The following DNAJC5 variants were observed in gnomAD, a reference collection of about 807,000 sequenced individuals.
DNAJC5 encodes dnaJ homolog subfamily C member 5.
DNAJC5 carries 1 observed loss-of-function variant against 23.2 expected under a neutral mutation model. The ratio of observed to expected loss-of-function variants is 0.04; its 90% CI spans 0.02 to 0.20. The LOEUF (loss-of-function observed/expected upper bound fraction) is 0.20. Ranked by LOEUF, DNAJC5 falls within the 10% of genes least tolerant of loss-of-function variation. DNAJC5 has a pLI of 1.00. For synonymous variants in DNAJC5, 136 were observed against 120.0 expected, an observed-to-expected ratio of 1.13 and a Z score of -0.87; for missense variants, 180 against 267.0, an observed-to-expected ratio of 0.67 and a Z score of 2.27.
intron 1 of DNAJC5, among the ~76,000 whole-genome samples, chr20:63,909,513 A>C (rs2053469075): frequency 6.6e-6 from 1 of 151,802 alleles, no homozygotes; most frequent in Non-Finnish European, 1.5e-5. Flanking sequence ...AAAAACAACA[A>C]CAAGAACAAC....
At chr20:63,912,090 GC>G in intron 1 of DNAJC5, among the ~76,000 whole-genome samples, 1 of 152,094 alleles carries the variant, frequency 6.6e-6, no homozygotes. Flanking sequence ...ATCACTTGAG[GC>G]CGGGAGTTTG....
Position 63,931,711 on chromosome 20 carries a change from C to A in DNAJC5, c.*143C>A. 1 of 784,480 alleles carries A rather than the reference C, an allele frequency of 1.3e-6. No individual in the cohort carries two copies. Among genetic ancestry groups the A allele is most frequent in the Non-Finnish European group, 2.2e-6 (1 of 462,412 alleles). 48.6% of individuals were successfully genotyped at this position (784,480 alleles called of 1,614,324 possible). A position where few individuals can be genotyped will look rare whatever the true frequency, so the allele number is the denominator to read the frequency against. Reference sequence around the variant, plus strand: ...GGCCCCTCCTGCCTCCACGCCCACCCAGCGTCGACCCTTGACCCACGAAGT... The same window carrying A: ...GGCCCCTCCTGCCTCCACGCCCACCAAGCGTCGACCCTTGACCCACGAAGT... On this transcript the variant is annotated 3_prime_UTR_variant, in exon 5 of 5. Transcript: ENST00000360864. The surrounding 1 kb of genome is among the most constrained non-coding windows in gnomAD (Gnocchi z 9.6).
At chr20:63,908,517 G>A (rs144991109) in intron 1 of DNAJC5, among the ~76,000 whole-genome samples, 1 of 152,194 alleles carries the variant, frequency 6.6e-6, no homozygotes, top group Non-Finnish European at 1.5e-5. Flanking sequence ...CCGTTTGATT[G>A]GTCACGGAAT....
chr20:63,917,607 G>A (rs2053523692), intron 1 of DNAJC5, among the ~76,000 whole-genome samples: 1 of 151,694 alleles, frequency 6.6e-6, no homozygotes, highest in Non-Finnish European at 1.5e-5. Context: ...CCAGGCTGGA[G>A]TGCAGTGGCG....
chr20:63,919,755 G>A lies in DNAJC5; in HGVS notation c.-11-8580G>A, dbSNP rs745974588. Reference sequence around the variant, plus strand: ...GCCACGGAAGAGGACGCACCCGGCTGTGTGCACATGTGCCCAGGGCCCGGG... The same window carrying A: ...GCCACGGAAGAGGACGCACCCGGCTATGTGCACATGTGCCCAGGGCCCGGG... On this transcript the variant is annotated intron_variant, in intron 1 of 4. Coordinates refer to ENST00000360864, the MANE Select transcript of DNAJC5 (RefSeq NM_025219.3). 3 of 418,696 alleles carry A rather than the reference G, an allele frequency of 7.2e-6. No individual in the cohort carries two copies. The Admixed American group carries it at 7.4e-5, about 10-fold the overall frequency. The allele number at this position is 418,696 out of a possible 1,614,324, so 25.9% of individuals were successfully genotyped here.
intron 1 of DNAJC5, among the ~76,000 whole-genome samples, chr20:63,917,934 G>A (rs1453655973): frequency 6.6e-6 from 1 of 152,272 alleles, no homozygotes; most frequent in East Asian, 1.9e-4. Context: ...CGCCTCAGTT[G>A]CTTGTTGCTG....
intron 1 of DNAJC5, among the ~76,000 whole-genome samples, chr20:63,912,443 G>C (rs963838358): frequency 6.6e-6 from 1 of 151,842 alleles, no homozygotes; most frequent in Admixed American, 6.6e-5. Flanking sequence ...TTTTGGAATA[G>C]ATAATATCTA....
intron 1 of DNAJC5, among the ~76,000 whole-genome samples, chr20:63,912,972 T>G (rs1422597667): frequency 1.1e-5 from 1 of 91,742 alleles, no homozygotes; most frequent in African/African-American, 6.5e-5. Context: ...ATAAAAGAAA[T>G]GCCAGTTGTA....
At position 63,928,477 on chromosome 20, in the gene DNAJC5, C is replaced by T. The variant is rs774273309; in HGVS notation, c.107+25C>T. On this transcript the variant is annotated intron_variant, in intron 2 of 4. Coordinates refer to ENST00000360864, the MANE Select transcript of DNAJC5 (RefSeq NM_025219.3). This position sits in a 1 kb window ranked among gnomAD's most constrained non-coding sequence, Gnocchi z 4.6. ...GGTAAGTGGACAAGTGTGGCCCCCA[C>T]ATCCCCCCAGGAAGACACACATGCC... 5 of 1,588,340 alleles carry T rather than the reference C, an allele frequency of 3.1e-6. No individual in the cohort carries two copies. The highest frequency in any genetic ancestry group is 3.5e-6 in the Non-Finnish European group (4 of 1,156,710).
chr20:63,898,761 A>G (rs1320997850), intron 1 of DNAJC5, among the ~76,000 whole-genome samples: 1 of 152,144 alleles, frequency 6.6e-6, no homozygotes, highest in Non-Finnish European at 1.5e-5. Flanking sequence ...GAATTGCTTG[A>G]ACCCGGGAGG....
In DNAJC5 at chr20:63,920,600, G is replaced by A. The variant is rs2053562269; in HGVS notation, c.-11-7735G>A. Among the ~76,000 whole-genome samples, 1 of 152,266 alleles carries A rather than the reference G, an allele frequency of 6.6e-6. No individual in the cohort carries two copies. ...AGGCATGTGTGCGGGCCCTGGGGCTGCTGCCAGCAGAACGGACTGGGATAC... is the reference window on the plus strand; with the variant it reads ...AGGCATGTGTGCGGGCCCTGGGGCTACTGCCAGCAGAACGGACTGGGATAC... On this transcript the variant is annotated intron_variant, in intron 1 of 4. Transcript: ENST00000360864. This position sits in a 1 kb window ranked among gnomAD's most constrained non-coding sequence, Gnocchi z 4.6.
At chr20:63,897,653 C>G (rs1182047977) in intron 1 of DNAJC5, among the ~76,000 whole-genome samples, 1 of 152,182 alleles carries the variant, frequency 6.6e-6, no homozygotes, top group African/African-American at 2.4e-5. Flanking sequence ...AGGAAAAACC[C>G]TACATGCTAG....
At chr20:63,925,280 T>C (rs2053603035) in intron 1 of DNAJC5, among the ~76,000 whole-genome samples, 1 of 152,104 alleles carries the variant, frequency 6.6e-6, no homozygotes, top group African/African-American at 2.4e-5. Flanking sequence ...GGTCAGGAGT[T>C]CAAGACCATC....
At chr20:63,904,360 G>A (rs557912498) in intron 1 of DNAJC5, among the ~76,000 whole-genome samples, 39 of 152,008 alleles carry the variant, frequency 2.6e-4, no homozygotes, top group Admixed American at 4.6e-4. Flanking sequence ...GCATCATCCC[G>A]CCAGGTTGGG....
intron 1 of DNAJC5, among the ~76,000 whole-genome samples, chr20:63,898,849 C>G (rs954950602): frequency 6.6e-6 from 1 of 152,128 alleles, no homozygotes; most frequent in African/African-American, 2.4e-5. Context: ...TCACAACAAA[C>G]AAACAAACAA....
At chr20:63,900,576 CAA>C (rs752326573) in intron 1 of DNAJC5, among the ~76,000 whole-genome samples, 2,554 of 65,034 alleles carry the variant, frequency 0.039, 14 homozygotes, top group Middle Eastern at 0.08. Context: ...GACACTGTCT[CAA>C]AAAAAAAAAA....
At chr20:63,915,907 C>A (rs2053512887) in intron 1 of DNAJC5, among the ~76,000 whole-genome samples, 2 of 152,300 alleles carry the variant, frequency 1.3e-5, no homozygotes, top group South Asian at 4.1e-4. Context: ...TAAAGGAAAT[C>A]ACAGAACATA....
Position 63,922,079 on chromosome 20 carries a change from C to T in DNAJC5, c.-11-6256C>T, listed in dbSNP as rs966863631. Among the ~76,000 whole-genome samples the T allele has an allele frequency of 2.6e-5, 4 of 152,006 alleles. No homozygotes were observed. In the South Asian group the frequency reaches 8.3e-4, roughly 32 times the overall value. On this transcript the variant is annotated intron_variant, in intron 1 of 4. Coordinates refer to ENST00000360864, the MANE Select transcript of DNAJC5 (RefSeq NM_025219.3). ...CAGGCGTGAGCCACCACTCCCGGCC[C>T]CCTTGAAATTTAAACCAAGTTTAGG...
Position 63,920,414 on chromosome 20 carries a change from C to T in DNAJC5, c.-11-7921C>T, listed in dbSNP as rs559438494. On this transcript the variant is annotated intron_variant, in intron 1 of 4. Coordinates refer to ENST00000360864, the MANE Select transcript of DNAJC5 (RefSeq NM_025219.3). The surrounding 1 kb of genome is among the most constrained non-coding windows in gnomAD (Gnocchi z 4.6). ...CGTCAGCAGGGCTCTCGTCCGCCAA[C>T]GTCTGGTGGGGATGCCCGCCATGCG... Among the ~76,000 whole-genome samples, 4 of 145,656 alleles carry T rather than the reference C, an allele frequency of 2.7e-5. No homozygotes were observed. In the South Asian group the frequency reaches 6.3e-4, roughly 23 times the overall value.
Sources: allele counts gnomAD v4.1 joint callset (sites outside exome capture counted in the v4.1 genomes callset), GRCh38; gene constraint gnomAD v4.1.1; non-coding constraint Gnocchi (gnomAD v3.1); transcripts MANE v1.5; gene names NCBI Gene and HGNC (gene_info 2026-07-23, HGNC 2026-07-21).